The following MACROD2 variants were observed in gnomAD, a reference collection of about 807,000 sequenced individuals.
MACROD2 encodes the protein ADP-ribose glycohydrolase MACROD2.
Under a neutral mutation model 70.4 loss-of-function variants are expected in MACROD2, and 36 were observed. The observed-to-expected ratio is 0.51, with a 90% CI of 0.39 to 0.68. The LOEUF is 0.68. Among genes scored for constraint, MACROD2 ranks in the 30% least tolerant of loss-of-function variants. MACROD2 has a pLI of 0.00. For missense variants in MACROD2, 496 were observed against 538.4 expected (o/e 0.92, Z 0.78); for synonymous variants, 172 against 178.8 (o/e 0.96, Z 0.30).
intron 3 of MACROD2, among the ~76,000 whole-genome samples, chr20:14,159,732 T>C (rs754519154): frequency 6.6e-6 from 1 of 152,246 alleles, no homozygotes; most frequent in Admixed American, 6.5e-5. Context: ...TCTTGCCTGA[T>C]TGCTCTGGCT....
intron 13 of MACROD2, among the ~76,000 whole-genome samples, chr20:15,979,615 T>C (rs1392872157): frequency 3.3e-5 from 5 of 152,144 alleles, no homozygotes; most frequent in Non-Finnish European, 4.4e-5. Flanking sequence ...AGAATGTTTT[T>C]TAAAAAATTC....
intron 6 of MACROD2, among the ~76,000 whole-genome samples, chr20:15,377,920 C>T (rs2045584455): frequency 6.6e-6 from 1 of 151,934 alleles, no homozygotes; most frequent in South Asian, 2.1e-4. Context: ...CACGTTCTCA[C>T]TTATAAGTGG....
intron 5 of MACROD2, chr20:15,196,757 T>C (rs1008791475): frequency 9.8e-6 from 4 of 408,950 alleles, no homozygotes; most frequent in African/African-American, 8.8e-5. Flanking sequence ...GTACAATATG[T>C]ACTTGAAATC....
At chr20:14,570,542 G>A (rs999937379) in intron 4 of MACROD2, among the ~76,000 whole-genome samples, 8 of 151,924 alleles carry the variant, frequency 5.3e-5, no homozygotes, top group African/African-American at 1.9e-4. Flanking sequence ...GATTGGCAGT[G>A]TAAAAGTGTC....
At chr20:14,572,536 T>C in intron 4 of MACROD2, among the ~76,000 whole-genome samples, 1 of 152,108 alleles carries the variant, frequency 6.6e-6, no homozygotes. Context: ...GATAAATAAA[T>C]TGAATGAAAA....
intron 5 of MACROD2, among the ~76,000 whole-genome samples, chr20:15,084,886 C>G (rs906627319): frequency 6.6e-6 from 1 of 152,026 alleles, no homozygotes; most frequent in Admixed American, 6.6e-5. Flanking sequence ...TTTCAAAATC[C>G]TGCTGGCTTT....
intron 3 of MACROD2, among the ~76,000 whole-genome samples, chr20:14,135,495 C>T (rs571169932): frequency 1.9e-4 from 29 of 152,016 alleles, no homozygotes; most frequent in Non-Finnish European, 3.1e-4. Context: ...TAGGGAGACT[C>T]TGTCTCTACA....
chr20:15,521,349 A>G (rs1047831031), intron 8 of MACROD2, among the ~76,000 whole-genome samples: 4 of 152,218 alleles, frequency 2.6e-5, no homozygotes, highest in African/African-American at 9.6e-5. Flanking sequence ...TAATTGGCAT[A>G]CTATTGTATT....
At chr20:15,456,489 G>A (rs188995129) in intron 7 of MACROD2, among the ~76,000 whole-genome samples, 2 of 152,252 alleles carry the variant, frequency 1.3e-5, no homozygotes, top group East Asian at 1.9e-4. Context: ...GAATCAAACC[G>A]TGCACCTGCA....
chr20:14,260,705 C>T (rs998638700), intron 3 of MACROD2, among the ~76,000 whole-genome samples: 1 of 152,234 alleles, frequency 6.6e-6, no homozygotes, highest in African/African-American at 2.4e-5. Flanking sequence ...TTATATTTGA[C>T]ACATTCCTTA....
At chr20:14,662,836 C>G (rs1238955477) in intron 4 of MACROD2, among the ~76,000 whole-genome samples, 1 of 152,020 alleles carries the variant, frequency 6.6e-6, no homozygotes, top group Non-Finnish European at 1.5e-5. Flanking sequence ...CAAAATACAA[C>G]AGATGCTGGC....
At chr20:14,580,909 C>T (rs577184777) in intron 4 of MACROD2, among the ~76,000 whole-genome samples, 1 of 152,270 alleles carries the variant, frequency 6.6e-6, no homozygotes, top group East Asian at 1.9e-4. Flanking sequence ...TTTATTTATT[C>T]AGTCAGTCAT....
At chr20:14,659,718 C>T (rs114090890) in intron 4 of MACROD2, among the ~76,000 whole-genome samples, 30 of 152,266 alleles carry the variant, frequency 2.0e-4, no homozygotes, top group African/African-American at 7.0e-4. Flanking sequence ...AAGTTCTGCT[C>T]ACCCTTTTGG....
intron 10 of MACROD2, among the ~76,000 whole-genome samples, chr20:15,919,867 G>A (rs999944090): frequency 1.2e-4 from 19 of 152,126 alleles, no homozygotes; most frequent in African/African-American, 3.9e-4. Context: ...AAATCACACA[G>A]TATTTTATTT....
chr20:14,774,072 C>A lies in MACROD2; in HGVS notation c.418+89113C>A, dbSNP rs1032693435. Among the ~76,000 whole-genome samples the A allele has an allele frequency of 1.1e-4, 16 of 151,792 alleles. 1 individual carries two copies. The highest frequency in any genetic ancestry group is 3.6e-4 in the African/African-American group (15 of 41,366). ...TACTTGATTACTGGTGTTTTTATCC[C>A]AAAGTTACAGTTCTGTTTGTTATCA... On this transcript the variant is annotated intron_variant, in intron 5 of 17. Transcript: ENST00000684519.
chr20:16,047,603 A>G (rs541744523), intron 17 of MACROD2, among the ~76,000 whole-genome samples: 2 of 152,176 alleles, frequency 1.3e-5, no homozygotes, highest in Non-Finnish European at 1.5e-5. Flanking sequence ...AGGTTATCCT[A>G]TAGAATGAAG....
At chr20:15,601,248 A>G (rs938225844) in intron 8 of MACROD2, among the ~76,000 whole-genome samples, 31 of 152,100 alleles carry the variant, frequency 2.0e-4, no homozygotes, top group African/African-American at 7.5e-4. Flanking sequence ...CAAGTGGTAT[A>G]GGGCTCATCT....
chr20:14,948,925 C>T (rs1019192486), intron 5 of MACROD2, among the ~76,000 whole-genome samples: 5 of 152,128 alleles, frequency 3.3e-5, no homozygotes, highest in Admixed American at 1.3e-4. Flanking sequence ...TATCACAAAG[C>T]AAATTGTGTG....
chr20:14,557,731 T>C (rs923820755), intron 4 of MACROD2, among the ~76,000 whole-genome samples: 1 of 151,838 alleles, frequency 6.6e-6, no homozygotes, highest in African/African-American at 2.4e-5. Context: ...ATAAGAATTG[T>C]TGACCAAGAT....
Sources: allele counts gnomAD v4.1 joint callset (sites outside exome capture counted in the v4.1 genomes callset), GRCh38; gene constraint gnomAD v4.1.1; transcripts MANE v1.5; gene names NCBI Gene and HGNC (gene_info 2026-07-23, HGNC 2026-07-21).